DPP10: variants seen among roughly 807,000 people sequenced by gnomAD.
DPP10 encodes the protein dipeptidyl peptidase like 10.
In DPP10, 33 loss-of-function variants were observed where a neutral mutation model predicts 120.9. That is an observed-to-expected ratio of 0.27 (90% confidence interval 0.21 to 0.37). The LOEUF (loss-of-function observed/expected upper bound fraction) is 0.37. DPP10 is among the 10% of genes least tolerant of loss of function. The pLI, the probability that DPP10 is intolerant of heterozygous loss-of-function variation, is 1.00. For missense variants in DPP10, 816 were observed against 942.8 expected (o/e 0.87, Z 1.76); for synonymous variants, 337 against 326.1 (o/e 1.03, Z -0.36).
chr2:114,848,593 T>C (rs990024213), intron 1 of DPP10, among the ~76,000 whole-genome samples: 1 of 152,222 alleles, frequency 6.6e-6, no homozygotes, highest in Admixed American at 6.5e-5. Flanking sequence ...TTGAATCACA[T>C]AGATACGACT....
chr2:114,694,484 G>A (rs1186585347), intron 1 of DPP10, among the ~76,000 whole-genome samples: 1 of 151,940 alleles, frequency 6.6e-6, no homozygotes, highest in African/African-American at 2.4e-5. Flanking sequence ...AGTGGGGATA[G>A]TTTGCAGTGA....
chr2:115,647,625 T>C (rs539308438), intron 5 of DPP10, among the ~76,000 whole-genome samples: 1 of 152,254 alleles, frequency 6.6e-6, no homozygotes, highest in South Asian at 2.1e-4. Flanking sequence ...AAATACCTGA[T>C]ACTGGGTAAT....
chr2:115,402,437 A>G (rs1444109104), intron 3 of DPP10, among the ~76,000 whole-genome samples: 1 of 152,152 alleles, frequency 6.6e-6, no homozygotes, highest in Non-Finnish European at 1.5e-5. Flanking sequence ...CAGTAAACAA[A>G]TCAGAAATGC....
At chr2:114,521,010 C>A (rs375192676) in intron 1 of DPP10, among the ~76,000 whole-genome samples, 1 of 152,024 alleles carries the variant, frequency 6.6e-6, no homozygotes, top group Non-Finnish European at 1.5e-5. Context: ...AGAGAACTTT[C>A]CTTATTCCAA....
At chr2:115,287,522 A>C (rs1215623318) in intron 1 of DPP10, among the ~76,000 whole-genome samples, 1 of 152,060 alleles carries the variant, frequency 6.6e-6, no homozygotes, top group African/African-American at 2.4e-5. Flanking sequence ...CTTAGCTCCC[A>C]TTTATAAGTG....
intron 1 of DPP10, among the ~76,000 whole-genome samples, chr2:115,273,367 A>T (rs2105824159): frequency 6.6e-6 from 1 of 152,018 alleles, no homozygotes; most frequent in South Asian, 2.1e-4. Context: ...GTTTTGACCG[A>T]GTCTCCCTCT....
At chr2:114,691,428 G>C (rs1010531885) in intron 1 of DPP10, among the ~76,000 whole-genome samples, 1 of 152,134 alleles carries the variant, frequency 6.6e-6, no homozygotes, top group South Asian at 2.1e-4. Flanking sequence ...CTTGATCATG[G>C]TGGAAAAGCT....
At chr2:115,789,471 C>A (rs1013848859) in intron 17 of DPP10, among the ~76,000 whole-genome samples, 1 of 152,144 alleles carries the variant, frequency 6.6e-6, no homozygotes, top group South Asian at 2.1e-4. Flanking sequence ...AAAGAAATTC[C>A]TGAACTTCAT....
At chr2:114,690,358 A>G (rs1352270923) in intron 1 of DPP10, among the ~76,000 whole-genome samples, 3 of 151,558 alleles carry the variant, frequency 2.0e-5, no homozygotes, top group East Asian at 1.9e-4. Context: ...CCCATTGCTT[A>G]TTTTTATTAA....
chr2:115,436,093 G>A (rs907731422), intron 3 of DPP10, among the ~76,000 whole-genome samples: 1 of 151,814 alleles, frequency 6.6e-6, no homozygotes, highest in African/African-American at 2.4e-5. Flanking sequence ...TAGTGGAAAT[G>A]TTAGGTCAAA....
intron 1 of DPP10, among the ~76,000 whole-genome samples, chr2:114,632,879 T>A (rs1382052122): frequency 6.6e-6 from 1 of 152,130 alleles, no homozygotes; most frequent in Non-Finnish European, 1.5e-5. Flanking sequence ...CTGCTAAAAT[T>A]ATCCCAAATT....
At chr2:114,986,384 A>C (rs17355229) in intron 1 of DPP10, among the ~76,000 whole-genome samples, 8 of 152,198 alleles carry the variant, frequency 5.3e-5, no homozygotes, top group Non-Finnish European at 1.2e-4. Flanking sequence ...AAAGCTTAGC[A>C]AACTTTGAAG....
rs370443624 is a variant in DPP10, at chr2:115,537,086, TATC to T, written c.441+11117_441+11119del. ...AGGTAGTTTATTTCTATAGAAATAA[TATC>T]ATGTTCTCATTTTAAACTGCAAGAT... On this transcript the variant is annotated intron_variant, in intron 5 of 25. Transcript: ENST00000410059. Among the ~76,000 whole-genome samples the T allele has an allele frequency of 3.2e-3, 488 of 152,178 alleles. 3 individuals carry two copies. Among genetic ancestry groups the T allele is most frequent in the African/African-American group, 0.011 (465 of 41,560 alleles).
intron 19 of DPP10, among the ~76,000 whole-genome samples, chr2:115,809,578 A>C (rs76973193): frequency 7.9e-5 from 12 of 152,112 alleles, no homozygotes; most frequent in Non-Finnish European, 1.6e-4. Context: ...TTTTAAATTC[A>C]TAATACCTAC....
chr2:115,356,946 G>T (rs185465739), intron 3 of DPP10, among the ~76,000 whole-genome samples: 1 of 152,122 alleles, frequency 6.6e-6, no homozygotes, highest in African/African-American at 2.4e-5. Context: ...TCTCCTAACT[G>T]CTTTCTATAG....
At chr2:114,727,917 A>C (rs1676498825) in intron 1 of DPP10, among the ~76,000 whole-genome samples, 1 of 152,178 alleles carries the variant, frequency 6.6e-6, no homozygotes, top group Non-Finnish European at 1.5e-5. Context: ...CCCTCATTTA[A>C]TTATTACAAC....
At chr2:115,061,280 T>A (rs1157125468) in intron 1 of DPP10, among the ~76,000 whole-genome samples, 2 of 152,246 alleles carry the variant, frequency 1.3e-5, no homozygotes. Flanking sequence ...ATATTTTGAC[T>A]ATTCGTTATT....
At chr2:114,601,231 G>C (rs1347502) in intron 1 of DPP10, among the ~76,000 whole-genome samples, 32,446 of 151,750 alleles carry the variant, frequency 0.21, 4,075 homozygotes, top group East Asian at 0.34. Flanking sequence ...TTAGAGACTG[G>C]TTAGTGTATT....
chr2:114,603,361 C>T (rs1692530597), intron 1 of DPP10, among the ~76,000 whole-genome samples: 2 of 152,130 alleles, frequency 1.3e-5, no homozygotes, highest in African/African-American at 4.8e-5. Flanking sequence ...CATTGCAACT[C>T]ATGATTCACC....
Sources: gnomAD v4.1 joint callset for allele counts (sites outside exome capture counted in the v4.1 genomes callset) on GRCh38, gnomAD v4.1.1 for gene constraint, MANE v1.5 for transcripts, NCBI Gene and HGNC (gene_info 2026-07-23, HGNC 2026-07-21) for gene names.